Variants in PIWIL2 observed in about 807,000 individuals in gnomAD.
The protein encoded by PIWIL2 is piwi-like protein 2.
PIWIL2 carries 81 observed loss-of-function variants against 116.5 expected under a neutral mutation model. The ratio of observed to expected loss-of-function variants is 0.70; its 90% CI spans 0.58 to 0.84. PIWIL2 has a LOEUF of 0.84. PIWIL2 is among the 40% of genes least tolerant of loss of function. The pLI, the probability that PIWIL2 is intolerant of heterozygous loss-of-function variation, is 0.00. For missense variants in PIWIL2, 1,272 were observed against 1,212.3 expected (o/e 1.05, Z -0.73); for synonymous variants, 489 against 429.5 (o/e 1.14, Z -1.71).
At chr8:22,292,030 G>A (rs528458853) in intron 10 of PIWIL2, among the ~76,000 whole-genome samples, 27 of 152,234 alleles carry the variant, frequency 1.8e-4, no homozygotes, top group Admixed American at 4.6e-4. Flanking sequence ...TAAGAGGTTA[G>A]CCAGGTGAAG....
chr8:22,308,550 G>T (rs897097537), intron 14 of PIWIL2, among the ~76,000 whole-genome samples: 3 of 152,036 alleles, frequency 2.0e-5, no homozygotes, highest in African/African-American at 7.2e-5. Context: ...CTACTCAGGA[G>T]GCTGAGGTAG....
chr8:22,321,827 T>C, intron 20 of PIWIL2: 1 of 982,110 alleles, frequency 1.0e-6, no homozygotes, highest in African/African-American at 1.7e-5. Flanking sequence ...TCCCCATTTT[T>C]ATTAATATCT....
chr8:22,351,138 G>C (rs997135595), intron 20 of PIWIL2, among the ~76,000 whole-genome samples: 1 of 151,602 alleles, frequency 6.6e-6, no homozygotes, highest in African/African-American at 2.4e-5. Flanking sequence ...GCAACAGAGC[G>C]AGACTCTGTT....
chr8:22,278,597 A>T (rs1830430222), intron 1 of PIWIL2, among the ~76,000 whole-genome samples: 1 of 152,210 alleles, frequency 6.6e-6, no homozygotes, highest in Non-Finnish European at 1.5e-5. Context: ...AGAAAATATA[A>T]GTAAGTTCAA....
At chr8:22,290,179 G>T in intron 9 of PIWIL2, 54 bp from the exon 10 acceptor site, 3 of 1,046,534 alleles carry the variant, frequency 2.9e-6, no homozygotes, top group South Asian at 2.7e-5. Flanking sequence ...ATGGGGGCAT[G>T]GAAGTATATG....
rs1307719517 is a variant in PIWIL2, at chr8:22,329,389, A to G, written c.2403+11114A>G. Reference sequence around the variant, plus strand: ...TAATGCTGGCATCCACTCAGCTGCTAGGGAGGCCTCAGGAAGCTTACAGTC... The same window carrying G: ...TAATGCTGGCATCCACTCAGCTGCTGGGGAGGCCTCAGGAAGCTTACAGTC... On this transcript the variant is annotated intron_variant, in intron 20 of 22. Transcript: ENST00000356766. Among the ~76,000 whole-genome samples, 4 of 152,314 alleles carry G rather than the reference A, an allele frequency of 2.6e-5. 1 individual carries two copies. Among genetic ancestry groups the G allele is most frequent in the South Asian group, 4.1e-4 (2 of 4,826 alleles).
intron 20 of PIWIL2, among the ~76,000 whole-genome samples, chr8:22,347,632 T>C (rs1227374073): frequency 4.0e-5 from 6 of 151,694 alleles, no homozygotes. Flanking sequence ...GTTCAAGCTG[T>C]TCTCCTACCT....
chr8:22,279,614 G>T (rs2131976757), intron 2 of PIWIL2, 30 bp downstream of exon 2: 1 of 1,586,288 alleles, frequency 6.3e-7, no homozygotes. Flanking sequence ...CATAGGAGTG[G>T]CATACAGCTT....
intron 20 of PIWIL2, 80 bp from the exon 21 acceptor site, chr8:22,352,879 C>G: frequency 1.4e-6 from 2 of 1,392,108 alleles, no homozygotes; most frequent in Non-Finnish European, 2.0e-6. Context: ...CCAGGCTACA[C>G]AATGCGAGTG....
chr8:22,295,205 C>G (rs535410437), intron 10 of PIWIL2, among the ~76,000 whole-genome samples: 2 of 151,996 alleles, frequency 1.3e-5, no homozygotes, highest in Non-Finnish European at 2.9e-5. Context: ...TTTCATGGCC[C>G]AGACTGAAGT....
chr8:22,337,176 C>A (rs574360166), intron 20 of PIWIL2, among the ~76,000 whole-genome samples: 1 of 152,052 alleles, frequency 6.6e-6, no homozygotes, highest in South Asian at 2.1e-4. Context: ...CCAAACAAAG[C>A]CATCTCAAGA....
At chr8:22,321,900 C>T in intron 20 of PIWIL2, 1 of 985,166 alleles carries the variant, frequency 1.0e-6, no homozygotes, top group South Asian at 4.7e-5. Context: ...CCGCCTTACA[C>T]ATTTTCAGCC....
chr8:22,284,833 ATATTAGTTTG>A (rs946917254), intron 6 of PIWIL2, among the ~76,000 whole-genome samples: 14 of 152,250 alleles, frequency 9.2e-5, no homozygotes, highest in African/African-American at 3.4e-4. Context: ...AAAATAGTTT[ATATTAGTTTG>A]TGTTCTCTCT....
At chr8:22,298,230 C>G (rs533068561) in intron 10 of PIWIL2, among the ~76,000 whole-genome samples, 2 of 151,856 alleles carry the variant, frequency 1.3e-5, no homozygotes, top group Non-Finnish European at 2.9e-5. Flanking sequence ...CCACTGCACT[C>G]CAGCCTGGCC....
Position 22,304,881 on chromosome 8 carries a change from G to T in PIWIL2, c.1455+13G>T. 3 of 1,550,634 alleles carry T rather than the reference G, an allele frequency of 1.9e-6. No homozygotes were observed. The highest frequency in any genetic ancestry group is 2.7e-6 in the Non-Finnish European group (3 of 1,122,460). On this transcript the variant is annotated intron_variant, in intron 12 of 22. Transcript: ENST00000356766. ...TAATCATGGGATGGTGAGTAGGGCT[G>T]TCAGGCTTACAATTCCAGCTTAAGT...
chr8:22,356,523 A>T lies in PIWIL2; in HGVS notation c.*1018A>T, dbSNP rs1169563311. On this transcript the variant is annotated 3_prime_UTR_variant, in exon 23 of 23. Transcript: ENST00000356766. Reference sequence around the variant, plus strand: ...CATGCTCTTTTGCTCTTTGTGCCTGATCTTCAGTAATTTTTAGTTTTTTAA... The same window carrying T: ...CATGCTCTTTTGCTCTTTGTGCCTGTTCTTCAGTAATTTTTAGTTTTTTAA... The T allele has an allele frequency of 1.3e-5, 2 of 152,102 alleles. No individual in the cohort carries two copies. The highest frequency in any genetic ancestry group is 2.9e-5 in the Non-Finnish European group (2 of 68,028). The allele number at this position is 152,102 out of a possible 1,614,324, so 9.4% of individuals were successfully genotyped here.
intron 21 of PIWIL2, among the ~76,000 whole-genome samples, 170 bp from the exon 22 acceptor site, chr8:22,354,101 C>T (rs1183400360): frequency 6.6e-6 from 1 of 151,988 alleles, no homozygotes; most frequent in African/African-American, 2.4e-5. Context: ...TCAGTAGCCT[C>T]TTGAGTCAGG....
intron 6 of PIWIL2, 84 bp downstream of exon 6, chr8:22,284,356 TG>T: frequency 1.5e-6 from 1 of 675,908 alleles, no homozygotes. Flanking sequence ...AATATTGTCC[TG>T]GACAGTTCCT....
intron 10 of PIWIL2, among the ~76,000 whole-genome samples, chr8:22,300,129 C>G (rs575189092): frequency 6.6e-6 from 1 of 151,956 alleles, no homozygotes; most frequent in Non-Finnish European, 1.5e-5. Context: ...TGGGACCTCA[C>G]TATGTTGCCC....
Sources: gnomAD v4.1 joint callset for allele counts (sites outside exome capture counted in the v4.1 genomes callset) on GRCh38, gnomAD v4.1.1 for gene constraint, MANE v1.5 for transcripts, NCBI Gene and HGNC (gene_info 2026-07-23, HGNC 2026-07-21) for gene names.